Variants in PER3 observed in about 807,000 individuals in gnomAD.
The protein encoded by PER3 is period circadian protein homolog 3.
PER3 carries 107 observed loss-of-function variants against 127.2 expected under a neutral mutation model. The observed-to-expected ratio is 0.84, with a 90% CI of 0.72 to 0.99. PER3 has a LOEUF of 0.99. Among genes scored for constraint, PER3 ranks in the 50% least tolerant of loss-of-function variants. PER3 has a pLI of 0.00. For missense variants in PER3, 1,560 were observed against 1,525.8 expected, an observed-to-expected ratio of 1.02 and a Z score of -0.37; for synonymous variants, 618 against 585.8, an observed-to-expected ratio of 1.05 and a Z score of -0.79.
At chr1:7,810,398 T>C in intron 12 of PER3, 40 bp from the exon 13 acceptor site, 2 of 1,454,730 alleles carry the variant, frequency 1.4e-6, no homozygotes, top group Non-Finnish European at 1.9e-6. Flanking sequence ...TGGACATTTT[T>C]ATAATTTTTG....
At chr1:7,841,118 T>C (rs921635239) in intron 21 of PER3, among the ~76,000 whole-genome samples, 1 of 152,162 alleles carries the variant, frequency 6.6e-6, no homozygotes, top group Admixed American at 6.5e-5. Flanking sequence ...CAATAGTTAA[T>C]GAGCTAAAAA....
At chr1:7,812,046 G>A (rs1217530504) in intron 13 of PER3, among the ~76,000 whole-genome samples, 1 of 152,166 alleles carries the variant, frequency 6.6e-6, no homozygotes, top group Non-Finnish European at 1.5e-5. Flanking sequence ...CTAGCAGAGA[G>A]AATTCTTTTA....
intron 16 of PER3, among the ~76,000 whole-genome samples, chr1:7,821,701 A>G (rs2097277336): frequency 6.6e-6 from 1 of 152,184 alleles, no homozygotes; most frequent in South Asian, 2.1e-4. Flanking sequence ...TAAAGTCTAT[A>G]TGCTTTAGGA....
Position 7,784,886 on chromosome 1 carries a change from C to T in PER3, c.9C>T (p.Arg3=), listed in dbSNP as rs368303389. The change falls in exon 2 of 22, where the codon CGC becomes CGT. Residue 3 remains arginine (R), a synonymous_variant. Transcript: ENST00000377532. ...CCCGCGGAGACCTCGAGATGCCCCG[C>T]GGGGAAGCTCCTGGCCCCGGGAGAC... The part of the protein sequence containing the change: MP[R]GEAPGPGRRG... 79 of 1,509,526 alleles carry T rather than the reference C, an allele frequency of 5.2e-5. No homozygotes were observed. Among genetic ancestry groups the T allele is most frequent in the Non-Finnish European group, 6.7e-5 (76 of 1,141,254 alleles). The allele number at this position is 1,509,526 out of a possible 1,614,324, so 93.5% of individuals were successfully genotyped here. A position where few individuals can be genotyped will look rare whatever the true frequency, so the allele number is the denominator to read the frequency against.
chr1:7,834,782 AT>A (rs1558479713), intron 19 of PER3, among the ~76,000 whole-genome samples: 1 of 152,108 alleles, frequency 6.6e-6, no homozygotes, highest in South Asian at 2.1e-4. Flanking sequence ...AATGAGGAAA[AT>A]TTTTTTATTA....
intron 5 of PER3, among the ~76,000 whole-genome samples, chr1:7,792,891 C>A (rs895714960): frequency 2.0e-5 from 3 of 152,118 alleles, no homozygotes; most frequent in Admixed American, 6.5e-5. Flanking sequence ...TTCAGTGGTC[C>A]AGGACTTCTA....
At chr1:7,833,198 C>T (rs1408698967) in intron 19 of PER3, among the ~76,000 whole-genome samples, 1 of 151,908 alleles carries the variant, frequency 6.6e-6, no homozygotes, top group Non-Finnish European at 1.5e-5. Context: ...GAATTTGGTC[C>T]ATCATGATAA....
intron 16 of PER3, among the ~76,000 whole-genome samples, chr1:7,821,620 C>CT (rs925264565): frequency 4.6e-5 from 7 of 152,072 alleles, no homozygotes; most frequent in South Asian, 2.1e-4. Flanking sequence ...ATGAAAAGCT[C>CT]TTTTTTTTAT....
At chr1:7,829,112 A>G (rs886854370) in intron 18 of PER3, among the ~76,000 whole-genome samples, 1 of 152,352 alleles carries the variant, frequency 6.6e-6, no homozygotes, top group South Asian at 2.1e-4. Flanking sequence ...AAGATCTGCC[A>G]GTTACAGTAG....
chr1:7,784,818 G>C lies in PER3; in HGVS notation c.-60G>C. ...CGGTGTCTGTCACTGACTGCAAAGT[G>C]AGCGAGAAGCAGGCTGCGGGCCGTC... On this transcript the variant is annotated 5_prime_UTR_variant, in exon 2 of 22. An upstream open reading frame in the 5' UTR loses its in-frame stop. Transcript: ENST00000377532. 7.2e-7 allele frequency: 1 copy of C among 1,389,174 alleles called. No homozygotes were observed. The highest frequency in any genetic ancestry group is 9.3e-7 in the Non-Finnish European group (1 of 1,078,772). The allele number at this position is 1,389,174 out of a possible 1,614,324, so 86.1% of individuals were successfully genotyped here. A position where few individuals can be genotyped will look rare whatever the true frequency, so the allele number is the denominator to read the frequency against.
At chr1:7,811,267 C>T (rs181886183) in intron 13 of PER3, among the ~76,000 whole-genome samples, 1 of 152,234 alleles carries the variant, frequency 6.6e-6, no homozygotes, top group East Asian at 1.9e-4. Flanking sequence ...ATGTTATTAA[C>T]CTCTATCATT....
intron 16 of PER3, among the ~76,000 whole-genome samples, chr1:7,821,920 A>G (rs1316923902): frequency 6.6e-6 from 1 of 152,228 alleles, no homozygotes; most frequent in Non-Finnish European, 1.5e-5. Flanking sequence ...GATGGTCACA[A>G]ATGCATTTCC....
intron 13 of PER3, among the ~76,000 whole-genome samples, chr1:7,815,479 CTG>C (rs370676310): frequency 3.2e-4 from 48 of 152,284 alleles, no homozygotes; most frequent in African/African-American, 9.9e-4. Flanking sequence ...GAAAGAGAGA[CTG>C]TGTAACAGAT....
chr1:7,810,265 A>G (rs1328369719), intron 12 of PER3, 173 bp from the exon 13 acceptor site: 5 of 619,394 alleles, frequency 8.1e-6, no homozygotes, highest in Non-Finnish European at 1.4e-5. Context: ...TTTATTTAGA[A>G]TTTGTTGGTA....
chr1:7,799,376 G>A (rs927148915), intron 7 of PER3, among the ~76,000 whole-genome samples: 3 of 152,074 alleles, frequency 2.0e-5, no homozygotes, highest in African/African-American at 4.8e-5. Context: ...AGGCCGAGGC[G>A]GGTGGATCAT....
intron 2 of PER3, 81 bp downstream of exon 2, chr1:7,785,086 T>G: frequency 6.8e-7 from 1 of 1,466,182 alleles, no homozygotes. Context: ...CTAAATCTTT[T>G]TATTCTTTTG....
intron 7 of PER3, among the ~76,000 whole-genome samples, chr1:7,800,620 T>A (rs2097166551): frequency 6.6e-6 from 1 of 152,216 alleles, no homozygotes; most frequent in South Asian, 2.1e-4. Context: ...TATATGCAGC[T>A]ACTAAATCTG....
At chr1:7,784,401 T>C (rs2097073872) in intron 1 of PER3, 25 bp downstream of exon 1, 1 of 148,746 alleles carries the variant, frequency 6.7e-6, no homozygotes, top group Non-Finnish European at 1.5e-5. Context: ...GGGCGGGAGT[T>C]CTGGGCGGCC....
intron 6 of PER3, among the ~76,000 whole-genome samples, chr1:7,796,130 A>G (rs2097144152): frequency 6.6e-6 from 1 of 152,062 alleles, no homozygotes; most frequent in African/African-American, 2.4e-5. Context: ...CCCCAGACCC[A>G]TTTTAGACAT....
Sources: allele counts gnomAD v4.1 joint callset (sites outside exome capture counted in the v4.1 genomes callset), GRCh38; gene constraint gnomAD v4.1.1; transcripts MANE v1.5; gene names NCBI Gene and HGNC (gene_info 2026-07-23, HGNC 2026-07-21).